The following SIPA1L2 variants were observed in gnomAD, a reference collection of about 807,000 sequenced individuals.
SIPA1L2 encodes signal induced proliferation associated 1 like 2.
SIPA1L2 carries 56 observed loss-of-function variants against 163.9 expected under a neutral mutation model. The observed-to-expected ratio is 0.34, with a 90% confidence interval of 0.28 to 0.43. The LOEUF (loss-of-function observed/expected upper bound fraction) is 0.43. Among genes scored for constraint, SIPA1L2 ranks in the 20% least tolerant of loss-of-function variants. The pLI, the probability that SIPA1L2 is intolerant of heterozygous loss-of-function variation, is 1.00. For synonymous variants in SIPA1L2, 877 were observed against 865.7 expected, an observed-to-expected ratio of 1.01 and a Z score of -0.23; for missense variants, 1,974 against 2,193.5, an observed-to-expected ratio of 0.90 and a Z score of 2.00.
intron 2 of SIPA1L2, among the ~76,000 whole-genome samples, chr1:232,547,393 T>C (rs1003759994): frequency 1.9e-4 from 29 of 151,856 alleles, no homozygotes; most frequent in African/African-American, 6.3e-4. Context: ...CCGGGTAAGG[T>C]GGTCTCGGTG....
At chr1:232,408,570 T>A (rs1660775578) in intron 19 of SIPA1L2, among the ~76,000 whole-genome samples, 1 of 152,160 alleles carries the variant, frequency 6.6e-6, no homozygotes, top group Non-Finnish European at 1.5e-5. Flanking sequence ...TATTGTATCA[T>A]TTTTCATATT....
Position 232,443,700 on chromosome 1 carries a change from A to G in SIPA1L2, c.3354-15T>C. On this transcript the variant is annotated splice_polypyrimidine_tract_variant and intron_variant, in intron 11 of 22. Coordinates refer to ENST00000674635, the MANE Select transcript of SIPA1L2 (RefSeq NM_020808.5). ...TGGGTGAGCTTCTGAAAGGTTGAGTAGAATCATTAACAGGGCACTGAACTA... is the reference window on the plus strand; with the variant it reads ...TGGGTGAGCTTCTGAAAGGTTGAGTGGAATCATTAACAGGGCACTGAACTA... 3 of 1,604,330 alleles carry G rather than the reference A, an allele frequency of 1.9e-6. No homozygotes were observed. Among genetic ancestry groups the G allele is most frequent in the Non-Finnish European group, 2.6e-6 (3 of 1,175,208 alleles).
At chr1:232,456,518 TGCA>T (rs375142257) in intron 10 of SIPA1L2, among the ~76,000 whole-genome samples, 157 of 152,324 alleles carry the variant, frequency 1.0e-3, no homozygotes, top group African/African-American at 3.5e-3. Flanking sequence ...ACAGATGCAC[TGCA>T]GCAAGGAATT....
intron 2 of SIPA1L2, among the ~76,000 whole-genome samples, chr1:232,520,094 C>T (rs150903564): frequency 1.1e-4 from 16 of 152,314 alleles, no homozygotes; most frequent in African/African-American, 3.1e-4. Flanking sequence ...AGTTTGCCTT[C>T]GAATGATCTA....
chr1:232,404,984 C>T lies in SIPA1L2; in HGVS notation c.4763-806G>A, dbSNP rs757213734. On this transcript the variant is annotated intron_variant, in intron 19 of 22. Coordinates refer to ENST00000674635, the MANE Select transcript of SIPA1L2 (RefSeq NM_020808.5). ...ATTCTGGAGAGACTGCACTTGGATC[C>T]GTGTCAGGGGTGCTCCACTCTTAAT... 5.9e-5 allele frequency among the ~76,000 whole-genome samples: 9 copies of T among 152,304 alleles called. No individual in the cohort carries two copies. The East Asian group carries it at 7.7e-4, about 13-fold the overall frequency.
chr1:232,591,116 C>A (rs1660936007), intron 1 of SIPA1L2, among the ~76,000 whole-genome samples: 1 of 152,178 alleles, frequency 6.6e-6, no homozygotes, highest in African/African-American at 2.4e-5. Context: ...TTACTGACCT[C>A]CAGCACCCTA....
chr1:232,605,118 T>C (rs1405659941), intron 1 of SIPA1L2, among the ~76,000 whole-genome samples: 2 of 152,158 alleles, frequency 1.3e-5, no homozygotes, highest in African/African-American at 4.8e-5. Context: ...GCTCAAGTGA[T>C]TCTCCCACCT....
intron 2 of SIPA1L2, among the ~76,000 whole-genome samples, chr1:232,521,394 A>T (rs368930888): frequency 1.4e-4 from 21 of 152,348 alleles, no homozygotes; most frequent in East Asian, 9.6e-4. Context: ...GAAACCCTGA[A>T]GGATTTAGTC....
Position 232,412,233 on chromosome 1 carries a change from T to C in SIPA1L2, c.4762+3261A>G, listed in dbSNP as rs1398941384. Among the ~76,000 whole-genome samples the C allele has an allele frequency of 2.0e-5, 3 of 152,292 alleles. No homozygotes were observed. In the East Asian group the frequency reaches 5.8e-4, roughly 29 times the overall value. ...AATGTGTAGCATAAACGAGGTAGAC[T>C]AATGGGGGAGAGGCAAGTCTGCCAG... On this transcript the variant is annotated intron_variant, in intron 19 of 22. Coordinates refer to ENST00000674635, the MANE Select transcript of SIPA1L2 (RefSeq NM_020808.5).
At position 232,464,732 on chromosome 1, in the gene SIPA1L2, T is replaced by C. The variant is rs1664417867; in HGVS notation, c.2820+108A>G. 3.4e-6 allele frequency: 3 copies of C among 891,606 alleles called. No individual in the cohort carries two copies. The South Asian group carries it at 5.5e-5, about 16-fold the overall frequency. The allele number at this position is 891,606 out of a possible 1,614,324, so 55.2% of individuals were successfully genotyped here. ...GCTCTGTATCTGTAACAAATAGTAATGCATTCCCTAATTGGTATAATCATG... is the reference window on the plus strand; with the variant it reads ...GCTCTGTATCTGTAACAAATAGTAACGCATTCCCTAATTGGTATAATCATG... On this transcript the variant is annotated intron_variant, in intron 9 of 22. Coordinates refer to ENST00000674635, the MANE Select transcript of SIPA1L2 (RefSeq NM_020808.5).
At chr1:232,621,057 CTT>C (rs1662783685) in intron 1 of SIPA1L2, among the ~76,000 whole-genome samples, 1 of 152,184 alleles carries the variant, frequency 6.6e-6, no homozygotes, top group Admixed American at 6.5e-5. Flanking sequence ...TTGTTTTCCT[CTT>C]ATATTTCTTT....
chr1:232,441,510 G>A (rs752857709), intron 13 of SIPA1L2, 116 bp from the exon 14 acceptor site: 227 of 903,800 alleles, frequency 2.5e-4, no homozygotes, highest in Admixed American at 7.2e-4. Flanking sequence ...GTGGTTCTGG[G>A]ACTTTCTGGT....
intron 1 of SIPA1L2, among the ~76,000 whole-genome samples, chr1:232,601,737 T>A (rs1207043342): frequency 1.3e-5 from 2 of 152,214 alleles, no homozygotes; most frequent in Non-Finnish European, 2.9e-5. Flanking sequence ...GTTACAGAAA[T>A]GTCAAAGGTA....
intron 1 of SIPA1L2, among the ~76,000 whole-genome samples, chr1:232,624,852 T>C (rs1662992640): frequency 6.6e-6 from 1 of 152,184 alleles, no homozygotes; most frequent in Non-Finnish European, 1.5e-5. Flanking sequence ...TCTTCCCCAC[T>C]ATCTGAAAGC....
At chr1:232,524,424 G>A (rs1272974790) in intron 2 of SIPA1L2, among the ~76,000 whole-genome samples, 1 of 152,140 alleles carries the variant, frequency 6.6e-6, no homozygotes, top group African/African-American at 2.4e-5. Context: ...ACATGCTACA[G>A]ACAGATGCAA....
At chr1:232,537,817 A>G (rs1477172683) in intron 2 of SIPA1L2, among the ~76,000 whole-genome samples, 2 of 152,244 alleles carry the variant, frequency 1.3e-5, no homozygotes, top group Non-Finnish European at 2.9e-5. Flanking sequence ...AAGGCTTAGA[A>G]TAGTGCCTCC....
At chr1:232,493,959 T>C (rs888442137) in intron 3 of SIPA1L2, among the ~76,000 whole-genome samples, 17 of 152,218 alleles carry the variant, frequency 1.1e-4, no homozygotes, top group South Asian at 2.1e-4. Flanking sequence ...GAAAGAGGTA[T>C]TGTCATTCTT....
At chr1:232,512,938 GTTAT>G (rs1667048084) in intron 3 of SIPA1L2, among the ~76,000 whole-genome samples, 1 of 152,216 alleles carries the variant, frequency 6.6e-6, no homozygotes, top group African/African-American at 2.4e-5. Flanking sequence ...ACTCTGTGAG[GTTAT>G]CCCTGGATCC....
intron 2 of SIPA1L2, among the ~76,000 whole-genome samples, chr1:232,547,936 C>T (rs1251357170): frequency 6.6e-6 from 1 of 152,192 alleles, no homozygotes; most frequent in East Asian, 1.9e-4. Flanking sequence ...TCAGTGGCAG[C>T]TTCAACATCT....
Sources: gnomAD v4.1 joint callset for allele counts (sites outside exome capture counted in the v4.1 genomes callset) on GRCh38, gnomAD v4.1.1 for gene constraint, MANE v1.5 for transcripts, NCBI Gene and HGNC (gene_info 2026-07-23, HGNC 2026-07-21) for gene names.